The following MACROD2 variants were observed in gnomAD, a reference collection of about 807,000 sequenced individuals.
MACROD2 encodes the protein mono-ADP ribosylhydrolase 2.
MACROD2 carries 36 observed loss-of-function variants against 70.4 expected under a neutral mutation model. The ratio of observed to expected loss-of-function variants is 0.51; its 90% confidence interval spans 0.39 to 0.68. MACROD2 has a LOEUF of 0.68. Among genes scored for constraint, MACROD2 ranks in the 30% least tolerant of loss-of-function variants. The pLI is 0.00. For missense variants in MACROD2, 496 were observed against 538.4 expected, an observed-to-expected ratio of 0.92 and a Z score of 0.78; for synonymous variants, 172 against 178.8, an observed-to-expected ratio of 0.96 and a Z score of 0.30.
At chr20:16,048,750 A>C (rs146088506) in intron 17 of MACROD2, among the ~76,000 whole-genome samples, 1 of 152,282 alleles carries the variant, frequency 6.6e-6, no homozygotes, top group African/African-American at 2.4e-5. Flanking sequence ...CTTTTAAAAA[A>C]TTGTTAGTTT....
intron 5 of MACROD2, among the ~76,000 whole-genome samples, chr20:14,938,315 G>A (rs1023030483): frequency 1.3e-5 from 2 of 152,076 alleles, no homozygotes; most frequent in African/African-American, 4.8e-5. Flanking sequence ...TGCCAACAAT[G>A]TATAAGGGTT....
chr20:14,707,859 A>G (rs958512924), intron 5 of MACROD2, among the ~76,000 whole-genome samples: 1 of 152,188 alleles, frequency 6.6e-6, no homozygotes, highest in African/African-American at 2.4e-5. Context: ...TCCACATTAA[A>G]ATAATACTCA....
chr20:14,560,652 T>C (rs1265954922), intron 4 of MACROD2, among the ~76,000 whole-genome samples: 2 of 151,916 alleles, frequency 1.3e-5, no homozygotes, highest in African/African-American at 2.4e-5. Flanking sequence ...TTGAGAATAT[T>C]GTTATACATG....
At chr20:14,441,085 T>C (rs2084116905) in intron 3 of MACROD2, among the ~76,000 whole-genome samples, 1 of 152,226 alleles carries the variant, frequency 6.6e-6, no homozygotes, top group Admixed American at 6.5e-5. Context: ...TATTTATGTC[T>C]GTACATCTTT....
At chr20:14,002,442 C>A (rs769276496) in intron 2 of MACROD2, 38 bp downstream of exon 2, 1 of 1,311,174 alleles carries the variant, frequency 7.6e-7, no homozygotes, top group African/African-American at 1.5e-5. Flanking sequence ...AGATATTTTT[C>A]CCATTTTAGG....
rs148640389 is a variant in MACROD2 at position 14,188,426 on chromosome 20, A to G, written c.271+102698A>G. 1.3e-3 allele frequency among the ~76,000 whole-genome samples: 197 copies of G among 152,250 alleles called. 2 individuals carry two copies. The highest frequency in any genetic ancestry group is 2.1e-3 in the Non-Finnish European group (140 of 67,984). ...TTTACCTGGAATTTTAGCTTCATTAATTGTTTCTTTAGATAATATTCCAAA... is the reference window on the plus strand; with the variant it reads ...TTTACCTGGAATTTTAGCTTCATTAGTTGTTTCTTTAGATAATATTCCAAA... On this transcript the variant is annotated intron_variant, in intron 3 of 17. Transcript: ENST00000684519.
intron 8 of MACROD2, among the ~76,000 whole-genome samples, chr20:15,812,645 C>T (rs2063833238): frequency 6.6e-6 from 1 of 151,854 alleles, no homozygotes; most frequent in Non-Finnish European, 1.5e-5. Context: ...TGTTCATTTT[C>T]CACAGATTAG....
At chr20:14,962,152 TTTG>T (rs1267180179) in intron 5 of MACROD2, among the ~76,000 whole-genome samples, 3 of 152,138 alleles carry the variant, frequency 2.0e-5, no homozygotes, top group South Asian at 2.1e-4. Flanking sequence ...TAGTGACCTT[TTTG>T]TTGTTGTTGT....
chr20:15,826,786 A>G (rs1485886468), intron 8 of MACROD2, among the ~76,000 whole-genome samples: 2 of 152,232 alleles, frequency 1.3e-5, no homozygotes, highest in Non-Finnish European at 2.9e-5. Context: ...CGTGAAGCTT[A>G]TCTTTGAAAT....
chr20:16,031,341 T>G (rs1416111957), intron 15 of MACROD2, among the ~76,000 whole-genome samples: 1 of 152,142 alleles, frequency 6.6e-6, no homozygotes, highest in Non-Finnish European at 1.5e-5. Context: ...TGCTGGAGAT[T>G]GCGGAGAAAT....
intron 6 of MACROD2, among the ~76,000 whole-genome samples, chr20:15,243,365 T>A (rs58701264): frequency 6.6e-6 from 1 of 152,300 alleles, no homozygotes; most frequent in East Asian, 1.9e-4. Flanking sequence ...TGAGGCAAAA[T>A]ACCTTGCTTC....
rs78647787 is a variant in MACROD2 at position 15,545,448 on chromosome 20, G to T, written c.645+45601G>T. Among the ~76,000 whole-genome samples, 563 of 152,276 alleles carry T rather than the reference G, an allele frequency of 3.7e-3. 7 individuals carry two copies. Among genetic ancestry groups the T allele is most frequent in the East Asian group, 0.037 (191 of 5,176 alleles). Reference sequence around the variant, plus strand: ...TTCTGTCACTCAAAATAAGCCATCTGTTGGCAGCAGCCCACAGGAAACAGA... The same window carrying T: ...TTCTGTCACTCAAAATAAGCCATCTTTTGGCAGCAGCCCACAGGAAACAGA... On this transcript the variant is annotated intron_variant, in intron 8 of 17. Coordinates refer to ENST00000684519, the MANE Select transcript of MACROD2 (RefSeq NM_001351661.2).
chr20:14,030,668 C>G (rs563267583), intron 2 of MACROD2, among the ~76,000 whole-genome samples: 2 of 152,070 alleles, frequency 1.3e-5, no homozygotes, highest in Non-Finnish European at 2.9e-5. Flanking sequence ...CCTTGGCCTC[C>G]CAAAGTGCTG....
intron 5 of MACROD2, among the ~76,000 whole-genome samples, chr20:15,114,615 G>C (rs371573275): frequency 6.6e-6 from 1 of 152,148 alleles, no homozygotes; most frequent in Non-Finnish European, 1.5e-5. Flanking sequence ...ATCCAATTAA[G>C]CCATGCCCAG....
At chr20:14,043,761 A>G (rs892785579) in intron 2 of MACROD2, among the ~76,000 whole-genome samples, 20 of 151,992 alleles carry the variant, frequency 1.3e-4, no homozygotes, top group Admixed American at 2.6e-4. Flanking sequence ...ATGGAAAGGC[A>G]GGGGAAAATT....
intron 3 of MACROD2, among the ~76,000 whole-genome samples, chr20:14,490,325 T>A (rs1440684236): frequency 6.6e-6 from 1 of 152,218 alleles, no homozygotes; most frequent in Non-Finnish European, 1.5e-5. Context: ...CAGATAACCC[T>A]TTTCTTCATT....
chr20:15,513,828 A>T (rs2047532683), intron 8 of MACROD2, among the ~76,000 whole-genome samples: 1 of 152,200 alleles, frequency 6.6e-6, no homozygotes, highest in African/African-American at 2.4e-5. Context: ...GTCATGTGCC[A>T]CATAATGACA....
At chr20:15,782,717 C>CAAA (rs11472322) in intron 8 of MACROD2, among the ~76,000 whole-genome samples, 2,815 of 83,272 alleles carry the variant, frequency 0.034, 203 homozygotes, top group African/African-American at 0.11. Flanking sequence ...AGAGAAATGG[C>CAAA]AAAAAAAAAA....
At chr20:16,048,340 G>A (rs2147627188) in intron 17 of MACROD2, among the ~76,000 whole-genome samples, 1 of 152,030 alleles carries the variant, frequency 6.6e-6, no homozygotes, top group East Asian at 1.9e-4. Flanking sequence ...ACAAATAAAA[G>A]CAGACCTAAA....
Sources: allele counts gnomAD v4.1 joint callset (sites outside exome capture counted in the v4.1 genomes callset), GRCh38; gene constraint gnomAD v4.1.1; transcripts MANE v1.5; gene names NCBI Gene and HGNC (gene_info 2026-07-23, HGNC 2026-07-21).